POU6F2: variants seen among roughly 807,000 people sequenced by gnomAD.
POU6F2 encodes the protein POU class 6 homeobox 2.
Under a neutral mutation model 71.3 loss-of-function variants are expected in POU6F2, and 31 were observed. The ratio of observed to expected loss-of-function variants is 0.43; its 90% CI spans 0.33 to 0.59. The LOEUF (loss-of-function observed/expected upper bound fraction) is 0.59, where lower values mean the gene tolerates loss of function less well. Ranked by LOEUF, POU6F2 falls within the 20% of genes least tolerant of loss-of-function variation. POU6F2 has a pLI of 0.04. For synonymous variants in POU6F2, 347 were observed against 355.7 expected (o/e 0.98, Z 0.27); for missense variants, 783 against 856.8 (o/e 0.91, Z 1.07).
At chr7:39,409,925 C>A (rs1460206814) in intron 6 of POU6F2, among the ~76,000 whole-genome samples, 1 of 152,164 alleles carries the variant, frequency 6.6e-6, no homozygotes, top group Non-Finnish European at 1.5e-5. Context: ...TTATTTTGAG[C>A]AAACATGGAG....
chr7:39,012,809 T>TG (rs1423474508), intron 1 of POU6F2, among the ~76,000 whole-genome samples: 1 of 151,428 alleles, frequency 6.6e-6, no homozygotes, highest in South Asian at 2.1e-4. Flanking sequence ...GTGCCCCTGC[T>TG]GGGGGGTGCC....
At chr7:39,091,284 G>A (rs1307780782) in intron 2 of POU6F2, among the ~76,000 whole-genome samples, 1 of 152,108 alleles carries the variant, frequency 6.6e-6, no homozygotes, top group Non-Finnish European at 1.5e-5. Flanking sequence ...TCGTCAGTGG[G>A]GACCTTCCCT....
chr7:39,262,353 G>A (rs182117338), intron 4 of POU6F2, among the ~76,000 whole-genome samples: 16 of 152,272 alleles, frequency 1.1e-4, no homozygotes, highest in South Asian at 2.1e-4. Context: ...TAGTCACAGC[G>A]GCTGGAGATC....
At chr7:39,005,677 G>T (rs889093555) in intron 1 of POU6F2, among the ~76,000 whole-genome samples, 4 of 151,914 alleles carry the variant, frequency 2.6e-5, no homozygotes, top group Non-Finnish European at 5.9e-5. Context: ...AATGTTGATA[G>T]GGTATAAATG....
chr7:39,157,404 G>T (rs1223423124), intron 2 of POU6F2, among the ~76,000 whole-genome samples: 1 of 152,128 alleles, frequency 6.6e-6, no homozygotes, highest in African/African-American at 2.4e-5. Context: ...ATTCTAGAGG[G>T]AAGTGCTTAT....
chr7:39,351,689 C>T (rs1252427298), intron 5 of POU6F2, among the ~76,000 whole-genome samples: 2 of 152,202 alleles, frequency 1.3e-5, no homozygotes, highest in Admixed American at 1.3e-4. Flanking sequence ...TGCTGCATTT[C>T]TAACCAGCTC....
rs200767204 is a variant in POU6F2, at chr7:39,418,909, GTA to G, written c.1113+12179_1113+12180del. 9.1e-3 allele frequency among the ~76,000 whole-genome samples: 1,255 copies of G among 137,794 alleles called. 90 individuals carry two copies. The East Asian group carries it at 0.21, about 23-fold the overall frequency. 90.4% of individuals were successfully genotyped at this position (137,794 alleles called of 152,430 possible). ...GTGCTCTCTTCATGTGTGTGTGTGT[GTA>G]TATATATATGTATATATGTATATAT... On this transcript the variant is annotated intron_variant, in intron 6 of 9. Coordinates refer to ENST00000518318, the MANE Select transcript of POU6F2 (RefSeq NM_001370959.1).
chr7:39,232,150 A>G (rs1453791525), intron 4 of POU6F2, among the ~76,000 whole-genome samples: 1 of 152,220 alleles, frequency 6.6e-6, no homozygotes, highest in Admixed American at 6.5e-5. Context: ...TCCCTGAAGT[A>G]TATAAATATT....
At chr7:39,216,553 G>T (rs2128747617) in intron 4 of POU6F2, among the ~76,000 whole-genome samples, 1 of 152,228 alleles carries the variant, frequency 6.6e-6, no homozygotes, top group East Asian at 1.9e-4. Flanking sequence ...GAGTACAAGG[G>T]AATTTGGGGG....
intron 2 of POU6F2, among the ~76,000 whole-genome samples, chr7:39,159,688 A>G (rs1040912500): frequency 2.6e-5 from 4 of 152,176 alleles, no homozygotes; most frequent in Non-Finnish European, 5.9e-5. Context: ...GGTAACAAAA[A>G]GATGATAATA....
intron 2 of POU6F2, among the ~76,000 whole-genome samples, chr7:39,193,218 C>CG (rs1195981280): frequency 2.0e-5 from 3 of 151,962 alleles, no homozygotes; most frequent in South Asian, 2.1e-4. Context: ...AAGACGATTG[C>CG]GGGGGGTGCT....
chr7:39,410,301 C>T (rs901345006), intron 6 of POU6F2, among the ~76,000 whole-genome samples: 2 of 152,208 alleles, frequency 1.3e-5, no homozygotes, highest in East Asian at 3.9e-4. Context: ...AGAGTGAGAC[C>T]CTGTCTCCAA....
chr7:39,046,828 A>G (rs1790300970), intron 1 of POU6F2, among the ~76,000 whole-genome samples: 1 of 151,946 alleles, frequency 6.6e-6, no homozygotes, highest in Non-Finnish European at 1.5e-5. Flanking sequence ...TTTATAGTTT[A>G]AACTACTAGC....
At chr7:39,065,284 C>T (rs1790733839) in intron 1 of POU6F2, among the ~76,000 whole-genome samples, 1 of 151,610 alleles carries the variant, frequency 6.6e-6, no homozygotes, top group Admixed American at 6.6e-5. Context: ...TCCAAAATAA[C>T]TGTTGGGTCA....
intron 2 of POU6F2, among the ~76,000 whole-genome samples, chr7:39,151,400 T>C (rs1792756720): frequency 6.6e-6 from 1 of 152,188 alleles, no homozygotes; most frequent in Non-Finnish European, 1.5e-5. Flanking sequence ...TGGGGGCCCA[T>C]TAGCTAGTGG....
chr7:39,060,449 T>A (rs753818781), intron 1 of POU6F2, among the ~76,000 whole-genome samples: 1 of 152,174 alleles, frequency 6.6e-6, no homozygotes, highest in Non-Finnish European at 1.5e-5. Context: ...TTTAAAATGG[T>A]GAATTTTGTG....
rs1439221430 is a variant in POU6F2 at position 39,464,822 on chromosome 7, G to T, written c.*136G>T. 1 of 1,122,264 alleles carries T rather than the reference G, an allele frequency of 8.9e-7. No homozygotes were observed. Among genetic ancestry groups the T allele is most frequent in the Non-Finnish European group, 1.2e-6 (1 of 815,708 alleles). 69.5% of individuals were successfully genotyped at this position (1,122,264 alleles called of 1,614,324 possible). On this transcript the variant is annotated 3_prime_UTR_variant, in exon 10 of 10. Coordinates refer to ENST00000518318, the MANE Select transcript of POU6F2 (RefSeq NM_001370959.1). The surrounding 1 kb of genome is among the most constrained non-coding windows in gnomAD (Gnocchi z 4.1). ...GTCGTCATCACCCTTGTAAGTAAAT[G>T]ACTAAGAAAACTACCAAGTGGACAG...
At chr7:39,103,616 A>G (rs1162045943) in intron 2 of POU6F2, among the ~76,000 whole-genome samples, 1 of 152,140 alleles carries the variant, frequency 6.6e-6, no homozygotes, top group Non-Finnish European at 1.5e-5. Flanking sequence ...TTCAGAGAAA[A>G]CTAGATCTTT....
intron 5 of POU6F2, 28 bp from the exon 6 acceptor site, chr7:39,406,572 T>G: frequency 1.3e-6 from 2 of 1,593,696 alleles, no homozygotes; most frequent in South Asian, 1.1e-5. Flanking sequence ...CTCGGTGGTT[T>G]TCACGGTGAT....
Sources: allele counts gnomAD v4.1 joint callset (sites outside exome capture counted in the v4.1 genomes callset), GRCh38; gene constraint gnomAD v4.1.1; non-coding constraint Gnocchi (gnomAD v3.1); transcripts MANE v1.5; gene names NCBI Gene and HGNC (gene_info 2026-07-23, HGNC 2026-07-21).